Variants in SYNJ1 observed in about 807,000 individuals in gnomAD.
SYNJ1 encodes the protein polyphosphatidylinositol phosphatase SYNJ1.
Under a neutral mutation model 168.2 loss-of-function variants are expected in SYNJ1, and 78 were observed. The observed-to-expected ratio is 0.46, with a 90% confidence interval of 0.39 to 0.56. SYNJ1 has a LOEUF of 0.56. SYNJ1 is among the 20% of genes least tolerant of loss of function. SYNJ1 has a pLI of 0.00. For synonymous variants in SYNJ1, 539 were observed against 548.6 expected (o/e 0.98, Z 0.24); for missense variants, 1,303 against 1,597.6 (o/e 0.82, Z 3.14).
At position 32,630,844 on chromosome 21, in the gene SYNJ1, T is replaced by C; in HGVS notation, c.*961A>G. On this transcript the variant is annotated 3_prime_UTR_variant, in exon 33 of 33. Transcript: ENST00000674351. ...TTTTTCCTTATTTCCAATATACACATAGTCCAACTCTGTACACATCAAATA... is the reference window on the plus strand; with the variant it reads ...TTTTTCCTTATTTCCAATATACACACAGTCCAACTCTGTACACATCAAATA... 5.6e-6 allele frequency: 4 copies of C among 718,128 alleles called. No homozygotes were observed. The highest frequency in any genetic ancestry group is 3.9e-4 in the Middle Eastern group (1 of 2,590). 44.5% of individuals were successfully genotyped at this position (718,128 alleles called of 1,614,324 possible). A position where few individuals can be genotyped will look rare whatever the true frequency, so the allele number is the denominator to read the frequency against.
intron 2 of SYNJ1, among the ~76,000 whole-genome samples, chr21:32,712,149 C>T (rs1474846570): frequency 2.0e-5 from 3 of 152,164 alleles, no homozygotes; most frequent in Non-Finnish European, 4.4e-5. Flanking sequence ...TAAAGAAGGT[C>T]AATAACAATG....
intron 3 of SYNJ1, 59 bp downstream of exon 3, chr21:32,701,902 C>G (rs967789493): frequency 1.5e-6 from 2 of 1,341,376 alleles, no homozygotes; most frequent in Non-Finnish European, 2.0e-6. Flanking sequence ...CTCTCAAATC[C>G]TTAGAATTAC....
rs1047672537 is a variant in SYNJ1 at position 32,693,314 on chromosome 21, T to A, written c.789+914A>T. The stretch of plus-strand genomic sequence containing the variant: ...TTAGGGAAAGATATATCTATTTACG[T>A]TATCCCTACAAAGATAAAACAAGTC... On this transcript the variant is annotated intron_variant, in intron 6 of 32. Transcript: ENST00000674351. Among the ~76,000 whole-genome samples the A allele has an allele frequency of 5.9e-5, 9 of 152,310 alleles. No homozygotes were observed. The South Asian group carries it at 1.9e-3, about 32-fold the overall frequency.
chr21:32,679,785 T>C (rs1301837220), intron 11 of SYNJ1, among the ~76,000 whole-genome samples: 3 of 152,148 alleles, frequency 2.0e-5, no homozygotes, highest in Non-Finnish European at 4.4e-5. Flanking sequence ...TAATAGCATA[T>C]GCAAATGACA....
intron 18 of SYNJ1, among the ~76,000 whole-genome samples, chr21:32,658,116 G>T (rs2040532555): frequency 6.6e-6 from 1 of 152,118 alleles, no homozygotes; most frequent in Non-Finnish European, 1.5e-5. Context: ...GGGTCCCTTT[G>T]CTGGGTCCCA....
chr21:32,678,937 T>A, intron 11 of SYNJ1, 136 bp from the exon 12 acceptor site: 1 of 1,155,540 alleles, frequency 8.7e-7, no homozygotes, highest in Non-Finnish European at 1.2e-6. Flanking sequence ...CTATTTTGAA[T>A]ATATAGTCAT....
chr21:32,697,281 T>C (rs765964158), intron 4 of SYNJ1, among the ~76,000 whole-genome samples: 15 of 152,208 alleles, frequency 9.9e-5, no homozygotes, highest in Non-Finnish European at 1.9e-4. Flanking sequence ...CTGGAAAATA[T>C]TGCTACTAAG....
intron 18 of SYNJ1, among the ~76,000 whole-genome samples, chr21:32,658,237 A>G (rs1005450640): frequency 3.9e-5 from 6 of 152,158 alleles, no homozygotes; most frequent in South Asian, 2.1e-4. Context: ...CTTGCCCCCA[A>G]TCCTGTGCCC....
intron 10 of SYNJ1, 32 bp downstream of exon 10, chr21:32,684,005 AC>A: frequency 6.3e-7 from 1 of 1,586,010 alleles, no homozygotes; most frequent in African/African-American, 1.3e-5. Context: ...GGCAGATGAT[AC>A]AAGGCACATA....
intron 15 of SYNJ1, among the ~76,000 whole-genome samples, chr21:32,668,316 C>T (rs961847831): frequency 8.5e-5 from 13 of 152,148 alleles, no homozygotes; most frequent in Admixed American, 6.5e-5. Flanking sequence ...GATCCACCTG[C>T]CTTGGCCTCC....
chr21:32,670,756 C>T, intron 14 of SYNJ1: 1 of 972,368 alleles, frequency 1.0e-6, no homozygotes, highest in Non-Finnish European at 1.2e-6. Context: ...TGAGAAACTA[C>T]CTCAAATTGC....
chr21:32,647,256 C>T (rs1385543137), intron 23 of SYNJ1, among the ~76,000 whole-genome samples: 2 of 152,330 alleles, frequency 1.3e-5, no homozygotes, highest in South Asian at 4.1e-4. Context: ...TATGTAACAT[C>T]CTCTACCCCC....
chr21:32,701,342 C>CA (rs2042393266), intron 3 of SYNJ1, among the ~76,000 whole-genome samples: 2 of 151,916 alleles, frequency 1.3e-5, no homozygotes. Flanking sequence ...GTTGAGCTGA[C>CA]TTTTTTTTCT....
chr21:32,643,495 G>A, intron 26 of SYNJ1, 38 bp from the exon 27 acceptor site: 1 of 1,596,850 alleles, frequency 6.3e-7, no homozygotes, highest in Non-Finnish European at 8.6e-7. Context: ...TATTGTTCAG[G>A]GCCCACAGCA....
chr21:32,656,781 T>C lies in SYNJ1; in HGVS notation c.2701A>G (p.Lys901Glu). Residue 901 changes from lysine to glutamate, a missense_variant, in exon 21 of 33, where the codon AAA (lysine) becomes GAA (glutamate). Physicochemically the swap from Lys to Glu is moderately conservative, Grantham distance 56. This residue lies in a region of SYNJ1 where 920 missense variants were observed against 1,208.8 expected (regional missense o/e 0.76). Transcript: ENST00000674351. ...PPDGTVLVSI[K>E]SSLPENNFFD... ...AAATTATTTTCTGGTAAAGAACTTT[T>C]GATTGAGACCAATACTGTACCATCT... 1.2e-6 allele frequency: 2 copies of C among 1,614,180 alleles called. No individual in the cohort carries two copies. Among genetic ancestry groups the C allele is most frequent in the South Asian group, 2.2e-5 (2 of 91,082 alleles).
chr21:32,700,778 C>T (rs774071391), intron 3 of SYNJ1, among the ~76,000 whole-genome samples: 31 of 152,314 alleles, frequency 2.0e-4, no homozygotes, highest in Middle Eastern at 3.4e-3. Context: ...TGAATTCACA[C>T]TCATTTTAAC....
intron 6 of SYNJ1, among the ~76,000 whole-genome samples, chr21:32,693,266 T>C (rs987532358): frequency 3.3e-5 from 5 of 152,172 alleles, no homozygotes; most frequent in Admixed American, 2.6e-4. Context: ...GGGGTTCTGT[T>C]GGCATTCTCT....
At chr21:32,663,827 A>G (rs1281279748) in intron 18 of SYNJ1, among the ~76,000 whole-genome samples, 1 of 152,248 alleles carries the variant, frequency 6.6e-6, no homozygotes, top group Non-Finnish European at 1.5e-5. Flanking sequence ...CCCTGGCAAG[A>G]GTCTCAGATG....
intron 2 of SYNJ1, among the ~76,000 whole-genome samples, chr21:32,709,240 C>G (rs984786251): frequency 6.6e-6 from 1 of 152,056 alleles, no homozygotes; most frequent in Non-Finnish European, 1.5e-5. Context: ...AATCCCAGCA[C>G]TTTGGGAGGC....
Sources: allele counts gnomAD v4.1 joint callset (sites outside exome capture counted in the v4.1 genomes callset), GRCh38; gene constraint gnomAD v4.1.1; regional missense constraint gnomAD v4.1.1; transcripts MANE v1.5; gene names NCBI Gene and HGNC (gene_info 2026-07-23, HGNC 2026-07-21).